C12orf54: variants seen among roughly 807,000 people sequenced by gnomAD.
C12orf54 encodes chromosome 12 open reading frame 54, also known as uncharacterized protein C12orf54.
A neutral mutation model predicts 26.4 loss-of-function variants in C12orf54; 24 were observed. The observed-to-expected ratio is 0.91, with a 90% CI of 0.66 to 1.28. The LOEUF is 1.28. C12orf54 is among the 50% of genes most tolerant of loss of function. The probability of loss-of-function intolerance (pLI) is 0.00; values close to 1 mark genes in which losing one functional copy is unlikely to be tolerated. For synonymous variants in C12orf54, 54 were observed against 47.0 expected (o/e 1.15, Z -0.61); for missense variants, 154 against 150.9 (o/e 1.02, Z -0.11).
the C12orf54 span, among the ~76,000 whole-genome samples, chr12:48,416,863 A>G: frequency 2.7e-4 from 30 of 109,674 alleles, no homozygotes; most frequent in Non-Finnish European, 4.9e-5. Flanking sequence ...CTCCATCTCC[A>G]AAAAAAAAAG....
At chr12:48,493,923 TA>T (rs71080114) in intron 7 of C12orf54, among the ~76,000 whole-genome samples, 12 of 148,900 alleles carry the variant, frequency 8.1e-5, no homozygotes, top group East Asian at 4.0e-4. Context: ...AAATAATGTT[TA>T]AAAAAAAAAT....
chr12:48,484,144 G>T (rs529441544), intron 2 of C12orf54, among the ~76,000 whole-genome samples: 1 of 152,128 alleles, frequency 6.6e-6, no homozygotes, highest in Non-Finnish European at 1.5e-5. Flanking sequence ...GCGGTGAGCC[G>T]GGATCATGCC....
At chr12:48,415,494 C>T in the C12orf54 span, among the ~76,000 whole-genome samples, 1 of 152,158 alleles carries the variant, frequency 6.6e-6, no homozygotes, top group East Asian at 1.9e-4. Flanking sequence ...CAATGGCACT[C>T]AACACAGCTA....
At chr12:48,457,230 G>A in the C12orf54 span, among the ~76,000 whole-genome samples, 1 of 151,922 alleles carries the variant, frequency 6.6e-6, no homozygotes, top group Non-Finnish European at 1.5e-5. Flanking sequence ...TCAGAAGAAT[G>A]GGCCGTAAGC....
At chr12:48,466,308 C>T in the C12orf54 span, among the ~76,000 whole-genome samples, 1 of 152,116 alleles carries the variant, frequency 6.6e-6, no homozygotes, top group Non-Finnish European at 1.5e-5. Flanking sequence ...CTTTGGGAGG[C>T]CTACGCAAAT....
At chr12:48,489,973 C>G (rs1427520136) in intron 5 of C12orf54, among the ~76,000 whole-genome samples, 1 of 150,262 alleles carries the variant, frequency 6.7e-6, no homozygotes, top group Non-Finnish European at 1.5e-5. Flanking sequence ...CCACCCACCT[C>G]AGCCTCCCAA....
At chr12:48,483,422 A>G (rs1954222071) in intron 2 of C12orf54, 61 bp downstream of exon 2, 1 of 1,509,148 alleles carries the variant, frequency 6.6e-7, no homozygotes, top group South Asian at 1.2e-5. Flanking sequence ...TGGGAGAAGA[A>G]CCAGGGCCTC....
At chr12:48,469,104 T>C in the C12orf54 span, among the ~76,000 whole-genome samples, 5 of 152,206 alleles carry the variant, frequency 3.3e-5, no homozygotes, top group Non-Finnish European at 7.3e-5. Flanking sequence ...TGAGGTTTCA[T>C]GTCCTGCTGA....
At chr12:48,455,412 A>G in the C12orf54 span, among the ~76,000 whole-genome samples, 1 of 152,304 alleles carries the variant, frequency 6.6e-6, no homozygotes, top group South Asian at 2.1e-4. Context: ...GAACATATGC[A>G]TACATATGTC....
chr12:48,425,318 G>A, the C12orf54 span, among the ~76,000 whole-genome samples: 1 of 152,032 alleles, frequency 6.6e-6, no homozygotes, highest in Non-Finnish European at 1.5e-5. Context: ...CCATTTATAA[G>A]TGAAAACATG....
At chr12:48,449,787 T>C in the C12orf54 span, among the ~76,000 whole-genome samples, 61 of 152,338 alleles carry the variant, frequency 4.0e-4, 2 homozygotes, top group African/African-American at 1.4e-3. Context: ...TGTTCCATGA[T>C]ATGATTTGGC....
chr12:48,434,383 A>G, the C12orf54 span, among the ~76,000 whole-genome samples: 53 of 152,306 alleles, frequency 3.5e-4, no homozygotes, highest in Non-Finnish European at 6.5e-4. Flanking sequence ...GCAGACTTAA[A>G]TGTCCCTGTC....
rs757277671 is a variant in C12orf54, at chr12:48,494,952, GGAA to G, written c.*18_*20del. 5 of 1,611,410 alleles carry G rather than the reference GGAA, an allele frequency of 3.1e-6. No individual in the cohort carries two copies. The Admixed American group carries it at 5.0e-5, about 16-fold the overall frequency. Reference sequence around the variant, plus strand: ...CCCTGGACCCTAACTCTACAATCAAGGAAGAAGGACATCTCTGCTTCCGCCAGG... The same window carrying G: ...CCCTGGACCCTAACTCTACAATCAAGGAAGGACATCTCTGCTTCCGCCAGG... On this transcript the variant is annotated 3_prime_UTR_variant, in exon 8 of 9. Coordinates refer to ENST00000548364, the MANE Select transcript of C12orf54 (RefSeq NM_152319.4).
At chr12:48,421,588 G>T in the C12orf54 span, among the ~76,000 whole-genome samples, 1 of 140,516 alleles carries the variant, frequency 7.1e-6, no homozygotes, top group Admixed American at 7.8e-5. Flanking sequence ...GGAGTGCAGT[G>T]GCACGATCTC....
chr12:48,490,708 C>A, intron 5 of C12orf54, 104 bp from the exon 6 acceptor site: 1 of 1,348,202 alleles, frequency 7.4e-7, no homozygotes, highest in South Asian at 1.3e-5. Context: ...CCATATTTTC[C>A]CAAACAGACA....
intron 4 of C12orf54, chr12:48,488,427 C>A: frequency 2.4e-6 from 1 of 415,076 alleles, no homozygotes; most frequent in South Asian, 1.9e-5. Flanking sequence ...TGGATGTGGT[C>A]ATCTACCTCA....
upstream of C12orf54, among the ~76,000 whole-genome samples, chr12:48,477,596 C>G (rs898430243): frequency 1.3e-5 from 2 of 152,102 alleles, no homozygotes; most frequent in Non-Finnish European, 2.9e-5. Flanking sequence ...GTACAAACTA[C>G]CATCAGAGAA....
At chr12:48,492,328 C>G (rs73298792) in intron 6 of C12orf54, among the ~76,000 whole-genome samples, 10,029 of 152,220 alleles carry the variant, frequency 0.066, 1,104 homozygotes, top group African/African-American at 0.23. Flanking sequence ...ACTGTGAGAT[C>G]CAGAGGCTTG....
chr12:48,448,634 G>A, the C12orf54 span, among the ~76,000 whole-genome samples: 7 of 151,994 alleles, frequency 4.6e-5, no homozygotes, highest in African/African-American at 1.2e-4. Context: ...TCTCTTTCCC[G>A]TTGTTACATT....
Sources: gnomAD v4.1 joint callset for allele counts (sites outside exome capture counted in the v4.1 genomes callset) on GRCh38, gnomAD v4.1.1 for gene constraint, MANE v1.5 for transcripts, NCBI Gene and HGNC (gene_info 2026-07-23, HGNC 2026-07-21) for gene names.